Variants in NEDD4 observed in about 807,000 individuals in gnomAD.
The protein encoded by NEDD4 is E3 ubiquitin-protein ligase NEDD4.
In NEDD4, 99 loss-of-function variants were observed where a neutral mutation model predicts 144.9. The ratio of observed to expected loss-of-function variants is 0.68; its 90% CI spans 0.58 to 0.81. The LOEUF is 0.81. Ranked by LOEUF, NEDD4 falls within the 30% of genes least tolerant of loss-of-function variation. The probability of loss-of-function intolerance (pLI) is 0.00; values close to 1 mark genes in which losing one functional copy is unlikely to be tolerated. For synonymous variants in NEDD4, 318 were observed against 350.6 expected (o/e 0.91, Z 1.04); for missense variants, 985 against 1,065.9 (o/e 0.92, Z 1.06).
intron 5 of NEDD4, among the ~76,000 whole-genome samples, chr15:55,907,337 G>T (rs1407040372): frequency 6.6e-6 from 1 of 151,998 alleles, no homozygotes; most frequent in Non-Finnish European, 1.5e-5. Context: ...TTTAAAATGG[G>T]CACATGTTTT....
chr15:55,835,568 C>G (rs565698645), intron 24 of NEDD4, among the ~76,000 whole-genome samples: 1 of 152,122 alleles, frequency 6.6e-6, no homozygotes, highest in Non-Finnish European at 1.5e-5. Flanking sequence ...TCCATTGTAT[C>G]GAGTTCACAG....
rs528274561 is a variant in NEDD4 at position 55,928,212 on chromosome 15, G to A, written c.238-3513C>T. Reference sequence around the variant, plus strand: ...TTTTTAGTAGAGACAGGGTTTCACCGTGTTGGCCAGGCTGGTCTCGAACCC... The same window carrying A: ...TTTTTAGTAGAGACAGGGTTTCACCATGTTGGCCAGGCTGGTCTCGAACCC... On this transcript the variant is annotated intron_variant, in intron 4 of 28. Coordinates refer to ENST00000435532, the MANE Select transcript of NEDD4 (RefSeq NM_006154.4). Among the ~76,000 whole-genome samples the A allele has an allele frequency of 4.6e-5, 7 of 152,148 alleles. 1 individual carries two copies. The South Asian group carries it at 8.3e-4, about 18-fold the overall frequency.
intron 5 of NEDD4, among the ~76,000 whole-genome samples, chr15:55,880,803 C>T (rs1029159294): frequency 3.9e-5 from 6 of 152,094 alleles, no homozygotes; most frequent in African/African-American, 7.2e-5. Context: ...ATAATCATAT[C>T]GACTAGTAGG....
intron 2 of NEDD4, among the ~76,000 whole-genome samples, chr15:55,963,799 T>A (rs1317128166): frequency 6.6e-6 from 1 of 152,228 alleles, no homozygotes; most frequent in Non-Finnish European, 1.5e-5. Context: ...CTTTAAGATA[T>A]CTTACAGCAC....
At chr15:55,840,826 T>C in intron 19 of NEDD4, 99 bp from the exon 20 acceptor site, 1 of 1,152,636 alleles carries the variant, frequency 8.7e-7, no homozygotes, top group Non-Finnish European at 1.2e-6. Flanking sequence ...TTACCACTGT[T>C]AGAACCACAT....
chr15:55,931,866 A>T (rs982169752), intron 4 of NEDD4, among the ~76,000 whole-genome samples: 7 of 152,176 alleles, frequency 4.6e-5, no homozygotes, highest in African/African-American at 1.4e-4. Flanking sequence ...GAACATTTTT[A>T]CCATTACAAA....
Position 55,934,562 on chromosome 15 carries a change from C to A in NEDD4, c.238-9863G>T, listed in dbSNP as rs2036847577. ...GCATTTTAATTTAAATGTTTTATGT[C>A]TTTCCACTTTATTTCTTTATGCAAA... On this transcript the variant is annotated intron_variant, in intron 4 of 28. Coordinates refer to ENST00000435532, the MANE Select transcript of NEDD4 (RefSeq NM_006154.4). 2.6e-5 allele frequency: 4 copies of A among 152,048 alleles called. No individual in the cohort carries two copies. The East Asian group carries it at 7.7e-4, about 29-fold the overall frequency. 9.4% of individuals were successfully genotyped at this position (152,048 alleles called of 1,614,324 possible). A position where few individuals can be genotyped will look rare whatever the true frequency, so the allele number is the denominator to read the frequency against.
At chr15:55,849,902 C>G (rs1469567360) in intron 14 of NEDD4, among the ~76,000 whole-genome samples, 2 of 151,742 alleles carry the variant, frequency 1.3e-5, no homozygotes, top group Non-Finnish European at 2.9e-5. Context: ...ATGCCATTCT[C>G]TAGCCTCAGC....
At chr15:55,982,550 C>T (rs71476761) in intron 1 of NEDD4, among the ~76,000 whole-genome samples, 2 of 152,032 alleles carry the variant, frequency 1.3e-5, no homozygotes, top group African/African-American at 4.8e-5. Context: ...AAAAGTAATC[C>T]ATGGTGACAA....
chr15:55,860,504 G>C lies in NEDD4; in HGVS notation c.863C>G (p.Ser288Ter). ...SNQAFPSPPP[S>*]SNLDVPTHLA... is the part of the protein sequence containing the mutation. ...ATGAGTTGGAACATCCAAGTTACTT[G>C]ACGGTGGAGGTGATGGGAAGGCCTG... is the stretch of plus-strand genomic sequence containing the variant. Residue 288 changes from serine (S) to a stop codon, truncating the protein, a stop_gained, in exon 11 of 29, where the codon TCA becomes TGA. Transcript: ENST00000435532. LOFTEE classifies it high-confidence loss of function. The C allele has an allele frequency of 6.2e-7, 1 of 1,614,120 alleles. No individual in the cohort carries two copies. Among genetic ancestry groups the C allele is most frequent in the Non-Finnish European group, 8.5e-7 (1 of 1,179,996 alleles).
chr15:55,976,730 C>T (rs72734386), intron 1 of NEDD4, among the ~76,000 whole-genome samples: 19,821 of 151,026 alleles, frequency 0.13, 1,414 homozygotes, highest in East Asian at 0.32. Context: ...CCTGGGCTCA[C>T]GCCGTTCTCC....
chr15:55,973,432 C>T (rs1430359653), intron 1 of NEDD4, among the ~76,000 whole-genome samples: 1 of 152,084 alleles, frequency 6.6e-6, no homozygotes, highest in Non-Finnish European at 1.5e-5. Flanking sequence ...CCCAGCTCAT[C>T]AGGAGGCTGA....
intron 5 of NEDD4, among the ~76,000 whole-genome samples, chr15:55,896,841 T>C (rs1203573790): frequency 1.3e-5 from 2 of 152,122 alleles, no homozygotes; most frequent in African/African-American, 4.8e-5. Flanking sequence ...CCAATGTGCC[T>C]TACCTTTATA....
chr15:55,878,580 T>C (rs1409913960), intron 5 of NEDD4, among the ~76,000 whole-genome samples: 1 of 152,200 alleles, frequency 6.6e-6, no homozygotes, highest in Non-Finnish European at 1.5e-5. Context: ...CATATACCAG[T>C]ATATGACCAA....
chr15:55,990,290 C>T (rs971732824), intron 1 of NEDD4, among the ~76,000 whole-genome samples: 3 of 152,046 alleles, frequency 2.0e-5, no homozygotes, highest in African/African-American at 2.4e-5. Context: ...TCCATGAAAC[C>T]GGTCCCTGGT....
chr15:55,942,381 G>A (rs2037023854), intron 4 of NEDD4, among the ~76,000 whole-genome samples: 1 of 152,138 alleles, frequency 6.6e-6, no homozygotes, highest in African/African-American at 2.4e-5. Context: ...ATGTCAAATT[G>A]TAATCCCTAA....
chr15:55,879,152 C>G (rs1349779050), intron 5 of NEDD4, among the ~76,000 whole-genome samples: 2 of 151,974 alleles, frequency 1.3e-5, no homozygotes, highest in Non-Finnish European at 2.9e-5. Context: ...AAAGAAGATA[C>G]AAAAGAGTAC....
chr15:55,908,608 C>A (rs1292253695), intron 5 of NEDD4, among the ~76,000 whole-genome samples: 2 of 152,182 alleles, frequency 1.3e-5, no homozygotes, highest in African/African-American at 4.8e-5. Context: ...GGCCCCCATT[C>A]TGAGACCTAC....
chr15:55,983,880 G>A (rs1485111852), intron 1 of NEDD4, among the ~76,000 whole-genome samples: 2 of 151,866 alleles, frequency 1.3e-5, no homozygotes, highest in Admixed American at 1.3e-4. Flanking sequence ...GAAAGTGCTG[G>A]GATTACAGGT....
Sources: allele counts gnomAD v4.1 joint callset (sites outside exome capture counted in the v4.1 genomes callset), GRCh38; gene constraint gnomAD v4.1.1; transcripts MANE v1.5; gene names NCBI Gene and HGNC (gene_info 2026-07-23, HGNC 2026-07-21).